GLYATL2: variants seen among roughly 807,000 people sequenced by gnomAD.
GLYATL2 encodes the protein glycine N-acyltransferase-like protein 2.
In GLYATL2, 25 loss-of-function variants were observed where a neutral mutation model predicts 21.4. The ratio of observed to expected loss-of-function variants is 1.17; its 90% CI spans 0.85 to 1.63. The LOEUF (loss-of-function observed/expected upper bound fraction) is 1.63, where lower values mean the gene tolerates loss of function less well. GLYATL2 is among the 40% of genes most tolerant of loss of function. The pLI is 0.00. For synonymous variants in GLYATL2, 114 were observed against 118.2 expected (o/e 0.96, Z 0.23); for missense variants, 361 against 343.3 (o/e 1.05, Z -0.41).
At chr11:58,867,816 A>G (rs916101645) in intron 1 of GLYATL2, among the ~76,000 whole-genome samples, 1 of 149,008 alleles carries the variant, frequency 6.7e-6, no homozygotes, top group South Asian at 2.2e-4. Context: ...TGAACCACAG[A>G]CTAGATATAT....
chr11:58,849,679 C>T (rs569006933), upstream of GLYATL2, among the ~76,000 whole-genome samples: 31 of 152,158 alleles, frequency 2.0e-4, no homozygotes, highest in Non-Finnish European at 3.8e-4. Context: ...AGCAAACTAA[C>T]ACAAGAACAG....
At chr11:58,846,018 C>T (rs889611721), upstream of GLYATL2, among the ~76,000 whole-genome samples, 41 of 151,322 alleles carry the variant, frequency 2.7e-4, no homozygotes, top group Non-Finnish European at 5.3e-4. Context: ...AAGAATTTTA[C>T]ATATTCATAA....
intron 1 of GLYATL2, among the ~76,000 whole-genome samples, chr11:58,853,159 T>C (rs1276371024): frequency 3.9e-5 from 6 of 152,186 alleles, no homozygotes; most frequent in Admixed American, 2.0e-4. Flanking sequence ...TAGACAATTA[T>C]ACTGACCCCA....
intron 1 of GLYATL2, among the ~76,000 whole-genome samples, chr11:58,888,514 T>C (rs1854482378): frequency 6.6e-6 from 1 of 152,056 alleles, no homozygotes; most frequent in African/African-American, 2.4e-5. Context: ...CATTCTTTTA[T>C]ACTTTTCTTC....
intron 1 of GLYATL2, among the ~76,000 whole-genome samples, chr11:58,873,107 A>T: frequency 6.6e-6 from 1 of 150,964 alleles, no homozygotes; most frequent in East Asian, 1.9e-4. Context: ...GGTGCATAAG[A>T]ATGCTTGTGA....
chr11:58,902,496 G>A (rs2134630918), intron 1 of GLYATL2, among the ~76,000 whole-genome samples: 1 of 152,286 alleles, frequency 6.6e-6, no homozygotes, highest in South Asian at 2.1e-4. Flanking sequence ...CCCAGAACAT[G>A]TTGTTTGCAA....
At chr11:58,871,671 T>C (rs12804928) in intron 1 of GLYATL2, among the ~76,000 whole-genome samples, 132,385 of 151,636 alleles carry the variant, frequency 0.87, 58,950 homozygotes, top group Non-Finnish European at 0.96. Context: ...ATTTTCTTAA[T>C]CCAGTCTATC....
intron 5 of GLYATL2, among the ~76,000 whole-genome samples, chr11:58,835,414 C>G (rs1037452890): frequency 6.6e-6 from 1 of 152,144 alleles, no homozygotes; most frequent in East Asian, 1.9e-4. Flanking sequence ...TTGGTGCTAA[C>G]CATTGGGATT....
At chr11:58,881,095 C>T (rs182731020) in intron 1 of GLYATL2, among the ~76,000 whole-genome samples, 27 of 152,128 alleles carry the variant, frequency 1.8e-4, no homozygotes, top group East Asian at 7.7e-4. Context: ...CTATATATGA[C>T]ATGTTGATTA....
At chr11:58,907,635 T>C (rs1039440180), upstream of GLYATL2, 2 of 249,986 alleles carry the variant, frequency 8.0e-6, no homozygotes, top group Non-Finnish European at 1.6e-5. Flanking sequence ...CTGATGTTTC[T>C]AGTCATTGTG....
intron 1 of GLYATL2, among the ~76,000 whole-genome samples, chr11:58,883,418 C>T (rs552514846): frequency 2.3e-4 from 35 of 152,196 alleles, no homozygotes; most frequent in Non-Finnish European, 2.5e-4. Flanking sequence ...TACAAACTAC[C>T]GTCAGAGAAC....
intron 1 of GLYATL2, among the ~76,000 whole-genome samples, chr11:58,870,776 C>T (rs1054322778): frequency 6.6e-6 from 1 of 152,190 alleles, no homozygotes; most frequent in African/African-American, 2.4e-5. Context: ...ATGCAATAGA[C>T]GTGTGTTGCA....
At chr11:58,907,311 G>A (rs1018419976), upstream of GLYATL2, 8 of 456,102 alleles carry the variant, frequency 1.8e-5, no homozygotes, top group Admixed American at 1.9e-4. Flanking sequence ...CTGAAATCTG[G>A]ACTTCCAATT....
At chr11:58,856,181 T>C (rs924806546) in intron 1 of GLYATL2, among the ~76,000 whole-genome samples, 1 of 152,080 alleles carries the variant, frequency 6.6e-6, no homozygotes, top group African/African-American at 2.4e-5. Context: ...TTAAACCTCA[T>C]GAACCAACCT....
chr11:58,904,092 T>C (rs541557987), intron 1 of GLYATL2: 1 of 152,178 alleles, frequency 6.6e-6, no homozygotes, highest in African/African-American at 2.4e-5. Context: ...CACAAGCCAA[T>C]TCCATGGGCT....
intron 1 of GLYATL2, among the ~76,000 whole-genome samples, chr11:58,854,073 G>C (rs1300441537): frequency 2.0e-5 from 3 of 152,042 alleles, no homozygotes; most frequent in African/African-American, 7.2e-5. Flanking sequence ...TTCTGTGCCT[G>C]GTTTATTTTA....
intron 1 of GLYATL2, among the ~76,000 whole-genome samples, chr11:58,842,798 T>C (rs1225041953): frequency 6.6e-6 from 1 of 152,072 alleles, no homozygotes; most frequent in Non-Finnish European, 1.5e-5. Flanking sequence ...AGGCAAGAGG[T>C]GCTCCTTACA....
At chr11:58,905,625 A>C (rs754145808), upstream of GLYATL2, 17 of 456,266 alleles carry the variant, frequency 3.7e-5, no homozygotes, top group South Asian at 9.3e-5. Flanking sequence ...GCCGATGAGC[A>C]GGAAGAAGCA....
upstream of GLYATL2, chr11:58,905,331 G>A (rs1590761611): frequency 5.0e-6 from 2 of 398,150 alleles, no homozygotes; most frequent in African/African-American, 4.1e-5. Flanking sequence ...GCAGTCAGCT[G>A]GAAGCTGGGC....
Sources: gnomAD v4.1 joint callset for allele counts (sites outside exome capture counted in the v4.1 genomes callset) on GRCh38, gnomAD v4.1.1 for gene constraint, MANE v1.5 for transcripts, NCBI Gene and HGNC (gene_info 2026-07-23, HGNC 2026-07-21) for gene names.